The following SERF2 variants were observed in gnomAD, a reference collection of about 807,000 sequenced individuals.
The protein encoded by SERF2 is gastric cancer-related protein VRG107.
SERF2 carries 4 observed loss-of-function variants against 10.7 expected under a neutral mutation model. The ratio of observed to expected loss-of-function variants is 0.37; its 90% confidence interval spans 0.18 to 0.86. The LOEUF (loss-of-function observed/expected upper bound fraction) is 0.86, where lower values mean the gene tolerates loss of function less well. Ranked by LOEUF, SERF2 falls within the 40% of genes least tolerant of loss-of-function variation. SERF2 has a pLI of 0.43. For missense variants in SERF2, 47 were observed against 79.1 expected (o/e 0.59, Z 1.54); for synonymous variants, 26 against 26.0 (o/e 1.00, Z 0.01).
intron 1 of SERF2, among the ~76,000 whole-genome samples, chr15:43,782,467 C>A (rs1204811826): frequency 1.3e-5 from 2 of 152,208 alleles, no homozygotes; most frequent in African/African-American, 4.8e-5. Context: ...CATTCTCATA[C>A]CCTCTTCTAG....
chr15:43,779,304 T>C (rs951832950), intron 1 of SERF2, among the ~76,000 whole-genome samples: 1 of 151,836 alleles, frequency 6.6e-6, no homozygotes, highest in African/African-American at 2.4e-5. Context: ...GTGATTGGGG[T>C]TGAGGTGTGA....
At position 43,795,590 on chromosome 15, in the gene SERF2, TC is replaced by T; in HGVS notation, c.*1821del. ...GGAGCAGAGCTGCTGAAACACCTCT[TC>T]CCCTCTCCCCCAACTACCTTTGTTA... On this transcript the variant is annotated 3_prime_UTR_variant, in exon 3 of 3. Coordinates refer to ENST00000249786, the MANE Select transcript of SERF2 (RefSeq NM_001018108.4). 6.2e-7 allele frequency: 1 copy of T among 1,612,390 alleles called. No homozygotes were observed. Among genetic ancestry groups the T allele is most frequent in the Admixed American group, 1.7e-5 (1 of 59,990 alleles).
chr15:43,789,566 G>C (rs1021372930), upstream of SERF2, among the ~76,000 whole-genome samples: 43 of 152,136 alleles, frequency 2.8e-4, no homozygotes, highest in African/African-American at 1.0e-3. Flanking sequence ...CTTCATACCA[G>C]GTGGAATTGT....
Position 43,793,901 on chromosome 15 carries a change from C to G in SERF2, c.*128C>G, listed in dbSNP as rs778487274. On this transcript the variant is annotated 3_prime_UTR_variant, in exon 3 of 3. Transcript: ENST00000249786. ...CGATGGCATTCCCTTTGCCCTGAGT[C>G]TGCAGCGGGTCCCTTTTGTGCTTCC... The G allele has an allele frequency of 6.3e-7, 1 of 1,589,472 alleles. No individual in the cohort carries two copies. The highest frequency in any genetic ancestry group is 8.6e-7 in the Non-Finnish European group (1 of 1,167,266).
chr15:43,792,795 G>C, intron 1 of SERF2, 180 bp from the exon 2 acceptor site: 2 of 683,642 alleles, frequency 2.9e-6, no homozygotes, highest in Non-Finnish European at 4.8e-6. Context: ...ATTTTGACCT[G>C]GCCCGTGGCA....
At position 43,793,743 on chromosome 15, in the gene SERF2, G is replaced by C; in HGVS notation, c.150G>C (p.Lys50Asn). 1.2e-6 allele frequency: 2 copies of C among 1,614,206 alleles called. No homozygotes were observed. Among genetic ancestry groups the C allele is most frequent in the Non-Finnish European group, 1.7e-6 (2 of 1,180,038 alleles). Reference protein sequence around the residue: ...DSEIMQQKQKKANEKKEEPK With the variant: ...DSEIMQQKQKNANEKKEEPK The stretch of plus-strand genomic sequence containing the variant: ...AGATCATGCAGCAGAAGCAGAAAAA[G>C]GCAAACGAGAAGAAGGAGGAACCCA... The change falls in exon 3 of 3, where the codon AAG (lysine) becomes AAC (asparagine). Residue 50 changes from lysine (K) to asparagine (N), a missense_variant. By Grantham distance (94) the Lys-to-Asn change is moderately conservative. Transcript: ENST00000249786.
upstream of SERF2, chr15:43,792,145 C>T: frequency 6.7e-6 from 4 of 596,296 alleles, no homozygotes; most frequent in Non-Finnish European, 1.2e-5. Flanking sequence ...CTCGGGAAGC[C>T]CCGCCCCACG....
In SERF2 at chr15:43,794,093, G is replaced by A; in HGVS notation, c.*320G>A. ...GGGACTTGGGGGGATGGGGTTGGAA[G>A]AATGACTGCCCTTTCCCACCAAAAA... On this transcript the variant is annotated 3_prime_UTR_variant, in exon 3 of 3. Coordinates refer to ENST00000249786, the MANE Select transcript of SERF2 (RefSeq NM_001018108.4). 1 of 950,224 alleles carries A rather than the reference G, an allele frequency of 1.1e-6. No individual in the cohort carries two copies. Among genetic ancestry groups the A allele is most frequent in the Non-Finnish European group, 1.5e-6 (1 of 660,580 alleles). The allele number at this position is 950,224 out of a possible 1,614,324, so 58.9% of individuals were successfully genotyped here.
At chr15:43,785,655 T>A (rs1473962708) in intron 2 of SERF2, 1 of 152,026 alleles carries the variant, frequency 6.6e-6, no homozygotes, top group Non-Finnish European at 1.5e-5. Context: ...TTTCTTGTGA[T>A]CTTGCAACTG....
rs1187707554 is a variant in SERF2 at position 43,795,712 on chromosome 15, G to T, written c.*1939G>T. The stretch of plus-strand genomic sequence containing the variant: ...CCTTTGTCTGCCTCCACTGTTTCAG[G>T]GCAGCAGAAACACAGTGAGGGCTTC... On this transcript the variant is annotated 3_prime_UTR_variant, in exon 3 of 3. Transcript: ENST00000249786. The T allele has an allele frequency of 1.9e-6, 3 of 1,614,066 alleles. No individual in the cohort carries two copies. Among genetic ancestry groups the T allele is most frequent in the Non-Finnish European group, 2.5e-6 (3 of 1,179,978 alleles).
In SERF2 at chr15:43,795,725, C is replaced by CA; in HGVS notation, c.*1953dup. 6.2e-7 allele frequency: 1 copy of CA among 1,613,984 alleles called. No individual in the cohort carries two copies. Among genetic ancestry groups the CA allele is most frequent in the Non-Finnish European group, 8.5e-7 (1 of 1,179,942 alleles). Reference sequence around the variant, plus strand: ...CCACTGTTTCAGGGCAGCAGAAACACAGTGAGGGCTTCTGCAAAACAGAAC... The same window carrying CA: ...CCACTGTTTCAGGGCAGCAGAAACACAAGTGAGGGCTTCTGCAAAACAGAAC... On this transcript the variant is annotated 3_prime_UTR_variant, in exon 3 of 3. Coordinates refer to ENST00000249786, the MANE Select transcript of SERF2 (RefSeq NM_001018108.4).
upstream of SERF2, among the ~76,000 whole-genome samples, chr15:43,788,028 C>G (rs1045861151): frequency 2.6e-5 from 4 of 151,924 alleles, no homozygotes; most frequent in Non-Finnish European, 5.9e-5. Flanking sequence ...GGTATGTGCA[C>G]CATGCCTGGC....
exon 1 of SERF2, chr15:43,777,203 A>G (rs2086927483): frequency 2.1e-5 from 12 of 575,264 alleles, no homozygotes; most frequent in South Asian, 1.8e-4. Flanking sequence ...GTCCGCGACC[A>G]GCGTCTGACC....
chr15:43,780,727 G>A (rs2086958023), intron 1 of SERF2, among the ~76,000 whole-genome samples: 1 of 152,056 alleles, frequency 6.6e-6, no homozygotes, highest in African/African-American at 2.4e-5. Flanking sequence ...TACTGAACCT[G>A]AATAATGACA....
chr15:43,781,104 G>A (rs150975199), intron 1 of SERF2, among the ~76,000 whole-genome samples: 97 of 152,236 alleles, frequency 6.4e-4, no homozygotes, highest in African/African-American at 2.1e-3. Context: ...ACTGTGATAC[G>A]CTCTGATAAC....
rs1270422531 is a variant in SERF2, at chr15:43,795,294, G to A, written c.*1521G>A. ...GTTCTACCTCCTCACCAAATATAAT[G>A]GCAGACCCATGTGTGTCTGGAATGG... On this transcript the variant is annotated 3_prime_UTR_variant, in exon 3 of 3. Coordinates refer to ENST00000249786, the MANE Select transcript of SERF2 (RefSeq NM_001018108.4). The A allele has an allele frequency of 1.9e-6, 3 of 1,577,980 alleles. No homozygotes were observed. The highest frequency in any genetic ancestry group is 2.6e-6 in the Non-Finnish European group (3 of 1,148,144).
chr15:43,785,485 G>T (rs1299525866), exon 2 of SERF2: 1 of 151,980 alleles, frequency 6.6e-6, no homozygotes, highest in Non-Finnish European at 1.5e-5. Flanking sequence ...TGAATTCCTG[G>T]ATTCAAGCAA....
At chr15:43,790,170 G>T (rs1039132960), upstream of SERF2, among the ~76,000 whole-genome samples, 1 of 150,896 alleles carries the variant, frequency 6.6e-6, no homozygotes, top group Non-Finnish European at 1.5e-5. Flanking sequence ...TTATCCGGGC[G>T]TGGTGGCGGG....
At chr15:43,787,546 C>T (rs977756760), upstream of SERF2, among the ~76,000 whole-genome samples, 3 of 152,256 alleles carry the variant, frequency 2.0e-5, no homozygotes, top group South Asian at 2.1e-4. Context: ...TGCGGGCATG[C>T]GCCGCCATGC....
Sources: allele counts gnomAD v4.1 joint callset (sites outside exome capture counted in the v4.1 genomes callset), GRCh38; gene constraint gnomAD v4.1.1; transcripts MANE v1.5; gene names NCBI Gene and HGNC (gene_info 2026-07-23, HGNC 2026-07-21).